The following PTPRN2 variants were observed in gnomAD, a reference collection of about 807,000 sequenced individuals.
PTPRN2 encodes the protein protein tyrosine phosphatase receptor type N2.
Under a neutral mutation model 118.8 loss-of-function variants are expected in PTPRN2, and 74 were observed. The observed-to-expected ratio is 0.62, with a 90% CI of 0.52 to 0.76. PTPRN2 has a LOEUF of 0.76. Among genes scored for constraint, PTPRN2 ranks in the 30% least tolerant of loss-of-function variants. PTPRN2 has a pLI of 0.00. For synonymous variants in PTPRN2, 641 were observed against 608.0 expected (o/e 1.05, Z -0.80); for missense variants, 1,481 against 1,394.4 (o/e 1.06, Z -0.99).
In PTPRN2 at chr7:158,022,430, A is replaced by T. The variant is rs1383597224; in HGVS notation, c.1723+58868T>A. Among the ~76,000 whole-genome samples, 3 of 152,136 alleles carry T rather than the reference A, an allele frequency of 2.0e-5. No individual in the cohort carries two copies. The highest frequency in any genetic ancestry group is 7.2e-5 in the African/African-American group (3 of 41,444). On this transcript the variant is annotated intron_variant, in intron 11 of 22. Transcript: ENST00000389418. This position sits in a 1 kb window ranked among gnomAD's most constrained non-coding sequence, Gnocchi z 4.6. Reference sequence around the variant, plus strand: ...TGAGGGAAGACCAGCGCAGCCCATGATGTGTTCACAGCCAAGGCCCCGGCA... The same window carrying T: ...TGAGGGAAGACCAGCGCAGCCCATGTTGTGTTCACAGCCAAGGCCCCGGCA...
chr7:157,595,690 G>A (rs994369389), intron 16 of PTPRN2, among the ~76,000 whole-genome samples: 1 of 152,146 alleles, frequency 6.6e-6, no homozygotes, highest in African/African-American at 2.4e-5. Flanking sequence ...GGAGCCTGGA[G>A]GTTAGGAAGC....
intron 17 of PTPRN2, among the ~76,000 whole-genome samples, chr7:157,594,410 G>A (rs993652015): frequency 6.6e-6 from 1 of 151,780 alleles, no homozygotes; most frequent in Non-Finnish European, 1.5e-5. Context: ...ATCACCAGGA[G>A]GCCCGGGCTG....
chr7:158,549,416 G>C (rs1383810850), intron 1 of PTPRN2, among the ~76,000 whole-genome samples: 1 of 152,242 alleles, frequency 6.6e-6, no homozygotes, highest in African/African-American at 2.4e-5. Context: ...GTTGCAGCGA[G>C]ACTCAGACCC....
intron 5 of PTPRN2, among the ~76,000 whole-genome samples, chr7:158,177,532 A>G (rs1208986258): frequency 6.6e-6 from 1 of 152,210 alleles, no homozygotes; most frequent in Non-Finnish European, 1.5e-5. Flanking sequence ...CCCTGGAGAC[A>G]CTGCCCTCTC....
At chr7:158,057,558 C>T (rs1007473349) in intron 11 of PTPRN2, among the ~76,000 whole-genome samples, 6 of 152,186 alleles carry the variant, frequency 3.9e-5, no homozygotes, top group African/African-American at 7.2e-5. Context: ...GGGAAACACA[C>T]GTAACGCTGT....
chr7:157,693,378 G>C (rs969432075), intron 12 of PTPRN2, among the ~76,000 whole-genome samples: 1 of 152,088 alleles, frequency 6.6e-6, no homozygotes, highest in Admixed American at 6.5e-5. Flanking sequence ...CCCGACCTCC[G>C]CGGTGCTGGG....
chr7:157,806,076 C>A lies in PTPRN2; in HGVS notation c.1788+92597G>T, dbSNP rs889051662. Among the ~76,000 whole-genome samples, 23 of 152,242 alleles carry A rather than the reference C, an allele frequency of 1.5e-4. No homozygotes were observed. The East Asian group carries it at 4.3e-3, about 28-fold the overall frequency. ...GCACACAGTAGAGAGCAGACTATCA[C>A]AAGCCACAAAAATGTGTGTGTGTGT... On this transcript the variant is annotated intron_variant, in intron 12 of 22. Coordinates refer to ENST00000389418, the MANE Select transcript of PTPRN2 (RefSeq NM_002847.5).
intron 12 of PTPRN2, among the ~76,000 whole-genome samples, chr7:157,873,222 T>C (rs1212582103): frequency 6.6e-6 from 1 of 152,242 alleles, no homozygotes; most frequent in Non-Finnish European, 1.5e-5. Context: ...GTCTCTCCTT[T>C]ATCCACCAAT....
intron 2 of PTPRN2, among the ~76,000 whole-genome samples, chr7:158,469,632 C>A (rs963535967): frequency 2.0e-5 from 3 of 151,282 alleles, no homozygotes; most frequent in African/African-American, 7.3e-5. Flanking sequence ...CGTTTCTGTT[C>A]CTTGAAAACA....
chr7:157,610,935 C>T lies in PTPRN2; in HGVS notation c.2345-6860G>A, dbSNP rs960602306. ...AGTGTCATTCAGGGCCTCCGCAGCT[C>T]AGCATACAATGCTGCATCTGGGCAG... On this transcript the variant is annotated intron_variant, in intron 15 of 22. Coordinates refer to ENST00000389418, the MANE Select transcript of PTPRN2 (RefSeq NM_002847.5). The surrounding 1 kb of genome is among the most constrained non-coding windows in gnomAD (Gnocchi z 5.1). Among the ~76,000 whole-genome samples the T allele has an allele frequency of 4.6e-5, 7 of 152,212 alleles. No individual in the cohort carries two copies. The highest frequency in any genetic ancestry group is 1.0e-4 in the Non-Finnish European group (7 of 68,044).
chr7:158,052,606 T>C (rs1485990466), intron 11 of PTPRN2, among the ~76,000 whole-genome samples: 1 of 140,460 alleles, frequency 7.1e-6, no homozygotes, highest in African/African-American at 2.7e-5. Context: ...GGTAGAGGGG[T>C]GCGGCCACTA....
chr7:157,642,844 A>AAAAAAAAAAAAAAAAAAAAAAAC (rs1804783647), intron 14 of PTPRN2, among the ~76,000 whole-genome samples: 1 of 139,844 alleles, frequency 7.2e-6, no homozygotes, highest in Admixed American at 7.3e-5. Flanking sequence ...AAAAAAAAAA[A>AAAAAAAAAAAAAAAAAAAAAAAC]GCAGCTAAAA....
At chr7:157,757,954 C>G (rs1801895824) in intron 12 of PTPRN2, among the ~76,000 whole-genome samples, 1 of 152,212 alleles carries the variant, frequency 6.6e-6, no homozygotes, top group African/African-American at 2.4e-5. Flanking sequence ...CTCTGGTGCA[C>G]TGAAAAGGCA....
chr7:158,355,745 C>T (rs1054409712), intron 2 of PTPRN2, among the ~76,000 whole-genome samples: 2 of 152,220 alleles, frequency 1.3e-5, no homozygotes, highest in East Asian at 1.9e-4. Context: ...GGAGAATCTG[C>T]GTGCACAGGA....
intron 6 of PTPRN2, among the ~76,000 whole-genome samples, chr7:158,162,447 T>A (rs142781239): frequency 6.6e-6 from 1 of 152,150 alleles, no homozygotes; most frequent in Admixed American, 6.5e-5. Flanking sequence ...AAATGAGCCA[T>A]CGAGCCATGA....
chr7:157,545,203 G>A (rs1006781882), intron 22 of PTPRN2, among the ~76,000 whole-genome samples: 1 of 149,984 alleles, frequency 6.7e-6, no homozygotes, highest in Non-Finnish European at 1.5e-5. Context: ...GTGGGTGTGT[G>A]TGCAATGTGT....
intron 12 of PTPRN2, among the ~76,000 whole-genome samples, chr7:157,819,384 G>A (rs1427483972): frequency 1.3e-5 from 2 of 152,288 alleles, no homozygotes; most frequent in Non-Finnish European, 2.9e-5. Flanking sequence ...GAGCCCATCC[G>A]TCAGCGTCAA....
intron 5 of PTPRN2, among the ~76,000 whole-genome samples, chr7:158,176,310 C>T (rs921003999): frequency 3.3e-5 from 5 of 152,142 alleles, no homozygotes; most frequent in Non-Finnish European, 7.3e-5. Flanking sequence ...TCACTGAGTG[C>T]TACACCAGGC....
intron 21 of PTPRN2, among the ~76,000 whole-genome samples, chr7:157,551,011 G>A (rs1798571559): frequency 1.3e-5 from 2 of 152,302 alleles, no homozygotes; most frequent in Middle Eastern, 3.4e-3. Context: ...GGCCATGACT[G>A]TGGCGGCCAA....
Sources: gnomAD v4.1 joint callset for allele counts (sites outside exome capture counted in the v4.1 genomes callset) on GRCh38, gnomAD v4.1.1 for gene constraint, Gnocchi (gnomAD v3.1) non-coding constraint, MANE v1.5 for transcripts, NCBI Gene and HGNC (gene_info 2026-07-23, HGNC 2026-07-21) for gene names.